The following PATJ variants were observed in gnomAD, a reference collection of about 807,000 sequenced individuals.
PATJ encodes the protein inaD-like protein.
PATJ carries 190 observed loss-of-function variants against 224.9 expected under a neutral mutation model. The ratio of observed to expected loss-of-function variants is 0.84; its 90% CI spans 0.75 to 0.95. PATJ has a LOEUF of 0.95. Among genes scored for constraint, PATJ ranks in the 40% least tolerant of loss-of-function variants. The pLI is 0.00. For synonymous variants in PATJ, 769 were observed against 820.3 expected, an observed-to-expected ratio of 0.94 and a Z score of 1.07; for missense variants, 2,121 against 2,270.3, an observed-to-expected ratio of 0.93 and a Z score of 1.34.
chr1:62,010,257 C>A (rs950987452), intron 28 of PATJ, among the ~76,000 whole-genome samples: 1 of 152,070 alleles, frequency 6.6e-6, no homozygotes, highest in Non-Finnish European at 1.5e-5. Context: ...TGACTTCCTT[C>A]ACTGAAATCT....
At chr1:62,059,678 A>G (rs1655105507) in intron 31 of PATJ, among the ~76,000 whole-genome samples, 1 of 152,188 alleles carries the variant, frequency 6.6e-6, no homozygotes, top group African/African-American at 2.4e-5. Context: ...AAAATTATAT[A>G]CATATAAAAT....
rs758989937 is a variant in PATJ, at chr1:61,864,579, G to A, written c.2781G>A (p.Gly927=). ...EPSESQEART[G]RTVYSQEAQP... is the part of the protein sequence containing the mutation. Reference sequence around the variant, plus strand: ...CCGAGTCTCAAGAGGCAAGAACCGGGAGGACTGTCTATTCCCAGGAGGCAC... The same window carrying A: ...CCGAGTCTCAAGAGGCAAGAACCGGAAGGACTGTCTATTCCCAGGAGGCAC... The change falls in exon 20 of 44, where the codon GGG becomes GGA. Residue 927 remains glycine, a synonymous_variant. Transcript: ENST00000642238. 1 of 1,610,492 alleles carries A rather than the reference G, an allele frequency of 6.2e-7. No individual in the cohort carries two copies. The highest frequency in any genetic ancestry group is 8.5e-7 in the Non-Finnish European group (1 of 1,179,422).
intron 33 of PATJ, chr1:62,100,500 A>G (rs1662018947): frequency 1.5e-6 from 1 of 662,860 alleles, no homozygotes; most frequent in Non-Finnish European, 2.8e-6. Context: ...CCTTGAGGGC[A>G]GAGCCCTCAT....
At chr1:61,767,839 G>T (rs1234312270) in intron 4 of PATJ, among the ~76,000 whole-genome samples, 1 of 151,616 alleles carries the variant, frequency 6.6e-6, no homozygotes, top group Admixed American at 6.6e-5. Context: ...ACCACGCCTG[G>T]CTAATTTTTG....
At chr1:61,782,903 G>A (rs139863227) in intron 7 of PATJ, among the ~76,000 whole-genome samples, 249 of 152,256 alleles carry the variant, frequency 1.6e-3, no homozygotes, top group African/African-American at 5.4e-3. Context: ...GTTCTAGGGC[G>A]GTCAGGTATA....
chr1:62,092,741 T>C (rs1419821936), intron 33 of PATJ, among the ~76,000 whole-genome samples: 2 of 151,794 alleles, frequency 1.3e-5, no homozygotes, highest in Non-Finnish European at 2.9e-5. Flanking sequence ...TTTATTTATT[T>C]ATTTATTTTT....
In PATJ at chr1:62,001,694, A is replaced by T. The variant is rs987258716; in HGVS notation, c.3867+11330A>T. Among the ~76,000 whole-genome samples, 7 of 152,036 alleles carry T rather than the reference A, an allele frequency of 4.6e-5. No homozygotes were observed. In the East Asian group the frequency reaches 1.4e-3, roughly 29 times the overall value. ...TCTTTTTTGGTTCCATATGAACTTTAAAGTAGTTTTTTCCAATTCTGTGAA... is the reference window on the plus strand; with the variant it reads ...TCTTTTTTGGTTCCATATGAACTTTTAAGTAGTTTTTTCCAATTCTGTGAA... On this transcript the variant is annotated intron_variant, in intron 28 of 43. Coordinates refer to ENST00000642238, the MANE Select transcript of PATJ (RefSeq NM_001350145.3).
At chr1:61,938,293 A>G (rs749041639) in intron 27 of PATJ, among the ~76,000 whole-genome samples, 1 of 152,190 alleles carries the variant, frequency 6.6e-6, no homozygotes, top group Non-Finnish European at 1.5e-5. Context: ...ACAAGGAAGA[A>G]TTATTTTGTC....
chr1:61,871,408 T>G (rs1305074417), intron 20 of PATJ, among the ~76,000 whole-genome samples: 1 of 134,422 alleles, frequency 7.4e-6, no homozygotes, highest in Non-Finnish European at 1.6e-5. Flanking sequence ...TATGTGTATA[T>G]ATATACATAT....
intron 20 of PATJ, among the ~76,000 whole-genome samples, chr1:61,869,849 G>A: frequency 6.6e-6 from 1 of 152,242 alleles, no homozygotes; most frequent in Non-Finnish European, 1.5e-5. Flanking sequence ...GCACTCAGGT[G>A]AGCGGGTGCA....
chr1:61,803,481 T>TA (rs1403689470), intron 12 of PATJ, among the ~76,000 whole-genome samples: 1 of 152,210 alleles, frequency 6.6e-6, no homozygotes, highest in Non-Finnish European at 1.5e-5. Context: ...TCTTATATGT[T>TA]ATGTTCCCGT....
At chr1:62,056,612 T>C (rs7551942) in intron 31 of PATJ, among the ~76,000 whole-genome samples, 62,450 of 151,800 alleles carry the variant, frequency 0.41, 13,034 homozygotes, top group African/African-American at 0.47. Context: ...GAAACCCCGT[T>C]CCTATTAAAA....
chr1:61,797,460 G>A lies in PATJ; in HGVS notation c.1402+32G>A, dbSNP rs1223957951. ...AATTTGCCACCCCTCTATCCCTCAA[G>A]TAGTTTACATTTGGAAGAGCAGTTC... On this transcript the variant is annotated intron_variant, in intron 11 of 43. Transcript: ENST00000642238. The A allele has an allele frequency of 5.1e-6, 8 of 1,577,500 alleles. No homozygotes were observed. In the African/African-American group the frequency reaches 6.7e-5, roughly 13 times the overall value.
intron 28 of PATJ, among the ~76,000 whole-genome samples, chr1:62,001,406 A>T (rs1209029932): frequency 6.8e-6 from 1 of 148,060 alleles, no homozygotes; most frequent in Non-Finnish European, 1.5e-5. Flanking sequence ...CTTTCTACAT[A>T]TGGCTAGCCA....
intron 14 of PATJ, among the ~76,000 whole-genome samples, chr1:61,813,382 C>CAT (rs1655352023): frequency 3.8e-5 from 1 of 26,182 alleles, no homozygotes; most frequent in African/African-American, 1.3e-4. Flanking sequence ...TATATATACA[C>CAT]ACACACACAC....
In PATJ at chr1:61,930,536, C is replaced by G. The variant is rs75948430; in HGVS notation, c.3670+2707C>G. 6.8e-4 allele frequency among the ~76,000 whole-genome samples: 104 copies of G among 152,196 alleles called. No individual in the cohort carries two copies. In the East Asian group the frequency reaches 0.019, roughly 28 times the overall value. ...TAAGCCCTAGGCCTACAGGGAAGTG[C>G]TGATTTTATTAGAGAGATCCAGGGA... On this transcript the variant is annotated intron_variant, in intron 27 of 43. Transcript: ENST00000642238.
At chr1:61,918,680 T>C (rs1405784486) in intron 26 of PATJ, among the ~76,000 whole-genome samples, 1 of 152,058 alleles carries the variant, frequency 6.6e-6, no homozygotes, top group Non-Finnish European at 1.5e-5. Context: ...TAGGTAATTA[T>C]GGCCAGGCCT....
intron 28 of PATJ, among the ~76,000 whole-genome samples, chr1:62,016,648 A>C (rs546346366): frequency 4.6e-5 from 7 of 152,344 alleles, no homozygotes; most frequent in African/African-American, 1.7e-4. Context: ...TTTAGAATTT[A>C]AATGTTGTTT....
intron 41 of PATJ, among the ~76,000 whole-genome samples, chr1:62,147,541 G>C (rs1668163321): frequency 6.6e-6 from 1 of 152,154 alleles, no homozygotes; most frequent in East Asian, 1.9e-4. Context: ...GCTCACGCCT[G>C]TAATCCCAGC....
Sources: allele counts gnomAD v4.1 joint callset (sites outside exome capture counted in the v4.1 genomes callset), GRCh38; gene constraint gnomAD v4.1.1; transcripts MANE v1.5; gene names NCBI Gene and HGNC (gene_info 2026-07-23, HGNC 2026-07-21).